Variants in FBXL13 observed in about 807,000 individuals in gnomAD.
The protein encoded by FBXL13 is F-box and leucine rich repeat protein 13, also known as F-box and leucine-rich repeat protein 13.
Under a neutral mutation model 83.6 loss-of-function variants are expected in FBXL13, and 67 were observed. The ratio of observed to expected loss-of-function variants is 0.80; its 90% CI spans 0.66 to 0.98. FBXL13 has a LOEUF of 0.98. Among genes scored for constraint, FBXL13 ranks in the 50% least tolerant of loss-of-function variants. FBXL13 has a pLI of 0.00. For synonymous variants in FBXL13, 272 were observed against 299.5 expected (o/e 0.91, Z 0.95); for missense variants, 822 against 866.5 (o/e 0.95, Z 0.64).
At chr7:102,999,484 G>C (rs1790168207) in intron 6 of FBXL13, among the ~76,000 whole-genome samples, 2 of 152,178 alleles carry the variant, frequency 1.3e-5, no homozygotes, top group African/African-American at 4.8e-5. Flanking sequence ...AGTTTCAATA[G>C]AATTGGTATT....
chr7:102,882,950 A>G (rs1810307229), intron 14 of FBXL13, among the ~76,000 whole-genome samples: 2 of 152,098 alleles, frequency 1.3e-5, no homozygotes, highest in African/African-American at 4.8e-5. Flanking sequence ...ACCTTCAATG[A>G]GATTGGTTCT....
intron 9 of FBXL13, among the ~76,000 whole-genome samples, chr7:102,926,818 A>T (rs1818230509): frequency 1.3e-5 from 2 of 152,252 alleles, no homozygotes; most frequent in Non-Finnish European, 1.5e-5. Flanking sequence ...GTCCATATTT[A>T]TACACATATA....
chr7:103,060,055 T>TAC (rs1563286620), intron 1 of FBXL13, among the ~76,000 whole-genome samples: 6 of 110,912 alleles, frequency 5.4e-5, no homozygotes, highest in African/African-American at 2.4e-4. Flanking sequence ...TATATATATA[T>TAC]ATATATATAC....
At chr7:102,819,773 TG>T (rs1288289107) in intron 19 of FBXL13, among the ~76,000 whole-genome samples, 2 of 152,192 alleles carry the variant, frequency 1.3e-5, no homozygotes, top group Non-Finnish European at 2.9e-5. Flanking sequence ...GGAGCCACAC[TG>T]GCCCTGATTA....
chr7:102,919,496 GA>G (rs1335548883), intron 10 of FBXL13, among the ~76,000 whole-genome samples: 1 of 152,102 alleles, frequency 6.6e-6, no homozygotes, highest in Non-Finnish European at 1.5e-5. Context: ...AATGTACCAG[GA>G]AAAATTAATT....
chr7:103,064,388 A>T (rs62482902), intron 1 of FBXL13, among the ~76,000 whole-genome samples: 10,818 of 152,288 alleles, frequency 0.071, 551 homozygotes, highest in Non-Finnish European at 0.1. Flanking sequence ...AGAATGTAGG[A>T]AATATTAGGA....
At chr7:102,998,557 C>T (rs1017446331) in intron 6 of FBXL13, among the ~76,000 whole-genome samples, 1 of 152,126 alleles carries the variant, frequency 6.6e-6, no homozygotes, top group South Asian at 2.1e-4. Flanking sequence ...AAATTATTTG[C>T]TGTTGGCATA....
upstream of FBXL13, chr7:103,074,753 A>G (rs1284516188): frequency 7.8e-7 from 1 of 1,289,762 alleles, no homozygotes; most frequent in Non-Finnish European, 1.0e-6. Context: ...TCGGGTTGGC[A>G]TTGCGTAGCG....
At chr7:103,044,731 G>C (rs1796100492) in intron 2 of FBXL13, among the ~76,000 whole-genome samples, 1 of 152,130 alleles carries the variant, frequency 6.6e-6, no homozygotes, top group South Asian at 2.1e-4. Flanking sequence ...CTTGTAGTTA[G>C]AAGGCCCATC....
intron 11 of FBXL13, among the ~76,000 whole-genome samples, chr7:102,910,815 G>A (rs776809175): frequency 1.3e-5 from 2 of 152,196 alleles, no homozygotes; most frequent in Non-Finnish European, 2.9e-5. Context: ...CTGGAACGCA[G>A]TGGTGGGATC....
intron 19 of FBXL13, among the ~76,000 whole-genome samples, chr7:102,815,229 C>T (rs1797838359): frequency 6.6e-6 from 1 of 152,196 alleles, no homozygotes; most frequent in South Asian, 2.1e-4. Context: ...TAAACATCTA[C>T]AGGAAGTTGA....
chr7:102,828,980 G>T (rs1423910618), intron 18 of FBXL13, among the ~76,000 whole-genome samples: 1 of 152,160 alleles, frequency 6.6e-6, no homozygotes, highest in Non-Finnish European at 1.5e-5. Context: ...AATGTGCTGG[G>T]GATGTAACAT....
chr7:102,934,072 G>A (rs758628527), intron 8 of FBXL13: 5 of 1,614,050 alleles, frequency 3.1e-6, no homozygotes, highest in African/African-American at 1.3e-5. Context: ...CAGGCCTCCC[G>A]TGTGACGTGT....
intron 8 of FBXL13, among the ~76,000 whole-genome samples, chr7:102,954,959 C>T (rs1563144757): frequency 6.6e-6 from 1 of 152,080 alleles, no homozygotes; most frequent in Non-Finnish European, 1.5e-5. Flanking sequence ...TTTAACACCC[C>T]ACTGTCAATA....
rs139017636 is a variant in FBXL13, at chr7:102,842,603, C to T, written c.1720-9629G>A. On this transcript the variant is annotated intron_variant, in intron 17 of 19. Transcript: ENST00000313221. ...AGAGTCACTGGAGAATAATCCAGTT[C>T]TTGCTGTTAGAGCACATGAACTCAA... Among the ~76,000 whole-genome samples the T allele has an allele frequency of 9.9e-3, 1,502 of 152,328 alleles. 8 individuals are homozygous for T. Among genetic ancestry groups the T allele is most frequent in the Non-Finnish European group, 0.014 (971 of 68,028 alleles).
chr7:102,902,684 G>A (rs1813114791), intron 11 of FBXL13, among the ~76,000 whole-genome samples: 1 of 152,156 alleles, frequency 6.6e-6, no homozygotes. Flanking sequence ...TGAAGAGACT[G>A]TCTTTTCCTC....
chr7:103,052,776 G>C (rs1357519621), intron 2 of FBXL13, among the ~76,000 whole-genome samples: 1 of 134,234 alleles, frequency 7.4e-6, no homozygotes, highest in African/African-American at 2.8e-5. Flanking sequence ...TTTTTTTTGA[G>C]ATGGAGTTTC....
At chr7:102,854,925 T>C in intron 16 of FBXL13, 65 bp from the exon 18 acceptor site, 3 of 879,034 alleles carry the variant, frequency 3.4e-6, no homozygotes, top group Non-Finnish European at 5.2e-6. Context: ...ATAGTTCCAA[T>C]AACCATTTAT....
At chr7:102,942,754 G>GT (rs1821719104) in intron 8 of FBXL13, among the ~76,000 whole-genome samples, 1 of 152,044 alleles carries the variant, frequency 6.6e-6, no homozygotes, top group South Asian at 2.1e-4. Flanking sequence ...GGAATTATGG[G>GT]TTTTTTCTGA....
Sources: gnomAD v4.1 joint callset for allele counts (sites outside exome capture counted in the v4.1 genomes callset) on GRCh38, gnomAD v4.1.1 for gene constraint, MANE v1.5 for transcripts, NCBI Gene and HGNC (gene_info 2026-07-23, HGNC 2026-07-21) for gene names.